SCRG1: variants seen among roughly 807,000 people sequenced by gnomAD.
The protein encoded by SCRG1 is stimulator of chondrogenesis 1, also known as scrapie-responsive protein 1.
SCRG1 carries 3 observed loss-of-function variants against 7.7 expected under a neutral mutation model. The ratio of observed to expected loss-of-function variants is 0.39; its 90% CI spans 0.18 to 1.01. The LOEUF (loss-of-function observed/expected upper bound fraction) is 1.01, where lower values mean the gene tolerates loss of function less well. Among genes scored for constraint, SCRG1 ranks in the 50% least tolerant of loss-of-function variants. The probability of loss-of-function intolerance (pLI) is 0.36; values close to 1 mark genes in which losing one functional copy is unlikely to be tolerated. For synonymous variants in SCRG1, 46 were observed against 41.2 expected (o/e 1.12, Z -0.44); for missense variants, 110 against 117.2 (o/e 0.94, Z 0.28).
chr4:173,402,143 C>A (rs559644240), upstream of SCRG1, among the ~76,000 whole-genome samples: 1 of 152,282 alleles, frequency 6.6e-6, no homozygotes, highest in South Asian at 2.1e-4. Flanking sequence ...CAAAGTGAAT[C>A]TTTTATGTGA....
chr4:173,404,399 C>G (rs909435118), exon 2 of SCRG1: 1 of 152,168 alleles, frequency 6.6e-6, no homozygotes, highest in Non-Finnish European at 1.5e-5. Context: ...CTTAACTGGA[C>G]AGTCAGAAAC....
At chr4:173,501,456 C>T in the SCRG1 span, among the ~76,000 whole-genome samples, 1 of 152,214 alleles carries the variant, frequency 6.6e-6, no homozygotes, top group Non-Finnish European at 1.5e-5. This position sits in a 1 kb window ranked among gnomAD's most constrained non-coding sequence, Gnocchi z 5.1. Flanking sequence ...CCTCAGCCTT[C>T]CCAGTGCGCC....
chr4:173,409,358 C>T (rs552530887), upstream of SCRG1, among the ~76,000 whole-genome samples: 2 of 152,248 alleles, frequency 1.3e-5, no homozygotes, highest in African/African-American at 4.8e-5. Context: ...ACAGAGGGCC[C>T]TTCAGATGCT....
rs373383990 is a variant in SCRG1 at position 173,391,325 on chromosome 4, T to G, written c.90A>C (p.Arg30Ser). The G allele has an allele frequency of 2.5e-6, 4 of 1,614,090 alleles. No homozygotes were observed. The African/African-American group carries it at 5.3e-5, about 22-fold the overall frequency. The stretch of plus-strand genomic sequence containing the variant: ...GACAGTTGTGATCTTTTAGTATCTT[T>G]CTGTAGCAAGAGAGGCGATTTGCAG... ...AMPANRLSCY[R>S]KILKDHNCHN... Residue 30 changes from arginine (R) to serine (S), a missense_variant, in exon 2 of 3, where the codon AGA becomes AGC. Physicochemically the swap from Arg to Ser is moderately radical, Grantham distance 110. Coordinates refer to ENST00000296506, the MANE Select transcript of SCRG1 (RefSeq NM_007281.4).
chr4:173,478,653 C>T, the SCRG1 span, among the ~76,000 whole-genome samples: 4 of 152,106 alleles, frequency 2.6e-5, no homozygotes, highest in African/African-American at 9.7e-5. Flanking sequence ...TCAGTAACAC[C>T]AGCTTTTAAG....
chr4:173,428,203 G>A, the SCRG1 span, among the ~76,000 whole-genome samples: 3 of 152,190 alleles, frequency 2.0e-5, no homozygotes, highest in Admixed American at 2.0e-4. Context: ...AGGTCAAAGG[G>A]AGACAGAAAG....
the SCRG1 span, among the ~76,000 whole-genome samples, chr4:173,518,660 C>A: frequency 6.6e-6 from 1 of 152,186 alleles, no homozygotes; most frequent in Non-Finnish European, 1.5e-5. Context: ...GCATCTGGGA[C>A]CCGCCTTCAC....
chr4:173,392,947 C>G (rs543085140), intron 1 of SCRG1, among the ~76,000 whole-genome samples: 5 of 152,236 alleles, frequency 3.3e-5, no homozygotes, highest in Non-Finnish European at 7.4e-5. Flanking sequence ...AAAAAGTAGC[C>G]AGGCATGGTG....
At chr4:173,413,649 A>T in the SCRG1 span, among the ~76,000 whole-genome samples, 1 of 152,228 alleles carries the variant, frequency 6.6e-6, no homozygotes, top group Non-Finnish European at 1.5e-5. Flanking sequence ...AAAATGACTG[A>T]ATAGATTACA....
chr4:173,486,585 C>T, the SCRG1 span, among the ~76,000 whole-genome samples: 36 of 152,154 alleles, frequency 2.4e-4, 1 homozygote, highest in Admixed American at 5.2e-4. Flanking sequence ...TATCTGATCT[C>T]AGCAGACAGC....
chr4:173,474,447 T>C, the SCRG1 span, among the ~76,000 whole-genome samples: 7 of 152,186 alleles, frequency 4.6e-5, no homozygotes, highest in Non-Finnish European at 8.8e-5. Flanking sequence ...AAAATAAAAC[T>C]TGAAAAGGTA....
the SCRG1 span, among the ~76,000 whole-genome samples, chr4:173,421,714 G>T: frequency 6.6e-6 from 1 of 152,132 alleles, no homozygotes; most frequent in African/African-American, 2.4e-5. Flanking sequence ...TAAATGCAGG[G>T]GTAGATTCTC....
chr4:173,428,606 G>A, the SCRG1 span, among the ~76,000 whole-genome samples: 2 of 152,184 alleles, frequency 1.3e-5, no homozygotes, highest in Admixed American at 1.3e-4. Flanking sequence ...CAGGAGGGTT[G>A]TTTGTAAGAA....
chr4:173,489,596 A>T, the SCRG1 span, among the ~76,000 whole-genome samples: 7 of 152,150 alleles, frequency 4.6e-5, no homozygotes, highest in African/African-American at 1.7e-4. Flanking sequence ...AATAGTAGGC[A>T]TTCCTACTTT....
At chr4:173,469,734 C>T in the SCRG1 span, 1 of 152,190 alleles carries the variant, frequency 6.6e-6, no homozygotes. Flanking sequence ...AGAAACCATC[C>T]TCCCACTCAT....
chr4:173,502,707 CCTTT>C, the SCRG1 span, among the ~76,000 whole-genome samples: 3 of 152,112 alleles, frequency 2.0e-5, no homozygotes, highest in Admixed American at 1.3e-4. The surrounding 1 kb of genome is among the most constrained non-coding windows in gnomAD (Gnocchi z 4.6). Flanking sequence ...CCAAGGCCTC[CCTTT>C]CTCAAAATGG....
the SCRG1 span, among the ~76,000 whole-genome samples, chr4:173,429,715 C>T: frequency 6.6e-6 from 1 of 152,088 alleles, no homozygotes; most frequent in Non-Finnish European, 1.5e-5. Flanking sequence ...TTTCACTTTG[C>T]CTAAGAAGAC....
At chr4:173,435,965 A>G in the SCRG1 span, among the ~76,000 whole-genome samples, 1 of 152,248 alleles carries the variant, frequency 6.6e-6, no homozygotes, top group African/African-American at 2.4e-5. Context: ...GAGAAGGCAG[A>G]GAAACTGAAG....
upstream of SCRG1, among the ~76,000 whole-genome samples, chr4:173,400,601 AT>A (rs1356059167): frequency 6.6e-6 from 1 of 152,242 alleles, no homozygotes; most frequent in Non-Finnish European, 1.5e-5. Flanking sequence ...CAACTAAATG[AT>A]AGCCGAAGTC....
Sources: gnomAD v4.1 joint callset for allele counts (sites outside exome capture counted in the v4.1 genomes callset) on GRCh38, gnomAD v4.1.1 for gene constraint, Gnocchi (gnomAD v3.1) non-coding constraint, MANE v1.5 for transcripts, NCBI Gene and HGNC (gene_info 2026-07-23, HGNC 2026-07-21) for gene names.